The following TPRG1 variants were observed in gnomAD, a reference collection of about 807,000 sequenced individuals.
TPRG1 encodes tumor protein p63 regulated 1, also known as tumor protein p63-regulated gene 1 protein.
Under a neutral mutation model 29.3 loss-of-function variants are expected in TPRG1, and 29 were observed. That is an observed-to-expected ratio of 0.99 (90% confidence interval 0.74 to 1.35). TPRG1 has a LOEUF of 1.35. Ranked by LOEUF, TPRG1 falls within the 40% of genes most tolerant of loss-of-function variation. The pLI is 0.00. For synonymous variants in TPRG1, 130 were observed against 116.8 expected (o/e 1.11, Z -0.73); for missense variants, 327 against 335.0 (o/e 0.98, Z 0.19).
chr3:189,035,556 A>T (rs150501018), intron 4 of TPRG1, among the ~76,000 whole-genome samples: 1 of 152,178 alleles, frequency 6.6e-6, no homozygotes, highest in African/African-American at 2.4e-5. Context: ...TGTACTATCT[A>T]GAATCTATAA....
intron 1 of TPRG1, among the ~76,000 whole-genome samples, chr3:189,197,786 A>G (rs1732787289): frequency 6.6e-6 from 1 of 152,240 alleles, no homozygotes; most frequent in South Asian, 2.1e-4. Flanking sequence ...AACCAAACAC[A>G]TAAACAAGAA....
chr3:189,031,210 G>C (rs559261818), intron 4 of TPRG1, among the ~76,000 whole-genome samples: 7 of 152,050 alleles, frequency 4.6e-5, no homozygotes, highest in Admixed American at 2.0e-4. Flanking sequence ...AGAATCACTT[G>C]AACCTGGGAG....
At chr3:189,105,198 G>T (rs986262132) in intron 1 of TPRG1, among the ~76,000 whole-genome samples, 1 of 152,068 alleles carries the variant, frequency 6.6e-6, no homozygotes, top group African/African-American at 2.4e-5. Flanking sequence ...GATGAGACTT[G>T]ATTTTACTGA....
At chr3:189,187,709 C>T (rs1005845685) in intron 1 of TPRG1, among the ~76,000 whole-genome samples, 2 of 152,184 alleles carry the variant, frequency 1.3e-5, no homozygotes, top group African/African-American at 4.8e-5. Flanking sequence ...CACTCAAACT[C>T]AGGTAGCTGG....
intron 4 of TPRG1, among the ~76,000 whole-genome samples, chr3:189,150,193 C>G (rs1408126856): frequency 3.3e-5 from 5 of 152,090 alleles, no homozygotes; most frequent in African/African-American, 1.2e-4. Context: ...GTAGGGATTT[C>G]TTTTTTTGAG....
intron 4 of TPRG1, among the ~76,000 whole-genome samples, chr3:189,078,068 C>CTTTCTCTCTTTCTCTCTTTCTCT (rs57725294): frequency 1.1e-4 from 14 of 124,146 alleles, no homozygotes; most frequent in African/African-American, 4.5e-4. Context: ...TCCTTTCTCT[C>CTTTCTCTCTTTCTCTCTTTCTCT]CTTTCTCTCT....
chr3:189,169,654 G>A (rs2108655520), upstream of TPRG1, among the ~76,000 whole-genome samples: 1 of 152,270 alleles, frequency 6.6e-6, no homozygotes, highest in Admixed American at 6.5e-5. Flanking sequence ...CTTATATATA[G>A]CCATATGTTC....
intron 4 of TPRG1, among the ~76,000 whole-genome samples, chr3:189,252,953 A>C (rs989988782): frequency 1.3e-5 from 2 of 152,168 alleles, no homozygotes; most frequent in African/African-American, 4.8e-5. Flanking sequence ...AATTTCATTT[A>C]CATATTGGAA....
chr3:189,237,023 C>T (rs1739592198), intron 3 of TPRG1, among the ~76,000 whole-genome samples: 1 of 152,118 alleles, frequency 6.6e-6, no homozygotes, highest in Non-Finnish European at 1.5e-5. Context: ...GATGTGAGTA[C>T]TAGTATTGTC....
chr3:189,153,285 T>G (rs1235064586), intron 5 of TPRG1, among the ~76,000 whole-genome samples: 3 of 152,230 alleles, frequency 2.0e-5, no homozygotes, highest in Non-Finnish European at 4.4e-5. Context: ...TTAATTCACC[T>G]TCCCTAGAAG....
intron 4 of TPRG1, among the ~76,000 whole-genome samples, chr3:189,039,758 A>G (rs1250281267): frequency 1.3e-5 from 2 of 152,210 alleles, no homozygotes. Flanking sequence ...CATTTACTGA[A>G]AGCCAGAAAA....
chr3:189,217,971 A>T, intron 3 of TPRG1: 5 of 985,442 alleles, frequency 5.1e-6, no homozygotes, highest in Non-Finnish European at 6.0e-6. Context: ...CAAAAAAACT[A>T]AAGAAAATAA....
chr3:189,254,258 C>T (rs1473222668), intron 4 of TPRG1, among the ~76,000 whole-genome samples: 2 of 152,196 alleles, frequency 1.3e-5, no homozygotes, highest in East Asian at 1.9e-4. Context: ...TTTTTCCCAA[C>T]ACCACTTATT....
intron 5 of TPRG1, among the ~76,000 whole-genome samples, chr3:189,152,102 C>G (rs763596230): frequency 2.0e-5 from 3 of 152,078 alleles, no homozygotes; most frequent in Non-Finnish European, 4.4e-5. Flanking sequence ...GCACAAGGCT[C>G]TTATTCTCGT....
chr3:189,015,203 G>A (rs1257050751), intron 3 of TPRG1, among the ~76,000 whole-genome samples: 1 of 152,164 alleles, frequency 6.6e-6, no homozygotes, highest in Non-Finnish European at 1.5e-5. Flanking sequence ...TGGTGGCATT[G>A]TGCCCCTGTT....
intron 3 of TPRG1, among the ~76,000 whole-genome samples, chr3:189,134,514 G>A (rs991789802): frequency 5.5e-5 from 8 of 146,250 alleles, no homozygotes; most frequent in African/African-American, 2.0e-4. Context: ...CCTGACTCAA[G>A]TGATCCTCCC....
chr3:189,247,301 C>T (rs1175089434), intron 4 of TPRG1, among the ~76,000 whole-genome samples: 1 of 151,664 alleles, frequency 6.6e-6, no homozygotes, highest in African/African-American at 2.4e-5. Context: ...TTTAAAATAT[C>T]CATGTAGTTC....
chr3:189,201,793 G>A (rs1034438685), intron 1 of TPRG1, among the ~76,000 whole-genome samples: 2 of 152,034 alleles, frequency 1.3e-5, no homozygotes, highest in African/African-American at 4.8e-5. Context: ...GAGATTTACA[G>A]GGGCCTGCCA....
At chr3:189,109,073 T>C (rs1720170336) in intron 1 of TPRG1, among the ~76,000 whole-genome samples, 1 of 151,846 alleles carries the variant, frequency 6.6e-6, no homozygotes, top group Admixed American at 6.6e-5. Context: ...TATTTAAGGG[T>C]ATAGACAAAG....
Sources: allele counts gnomAD v4.1 joint callset (sites outside exome capture counted in the v4.1 genomes callset), GRCh38; gene constraint gnomAD v4.1.1; transcripts MANE v1.5; gene names NCBI Gene and HGNC (gene_info 2026-07-23, HGNC 2026-07-21).